The following PCDHGB1 variants were observed in gnomAD, a reference collection of about 807,000 sequenced individuals.
PCDHGB1 encodes the protein protocadherin gamma-B1.
Under a neutral mutation model 56.6 loss-of-function variants are expected in PCDHGB1, and 34 were observed. That is an observed-to-expected ratio of 0.60 (90% CI 0.46 to 0.80). The LOEUF (loss-of-function observed/expected upper bound fraction) is 0.80, where lower values mean the gene tolerates loss of function less well. Ranked by LOEUF, PCDHGB1 falls within the 30% of genes least tolerant of loss-of-function variation. PCDHGB1 has a pLI of 0.00. For missense variants in PCDHGB1, 1,278 were observed against 1,204.6 expected, an observed-to-expected ratio of 1.06 and a Z score of -0.90; for synonymous variants, 561 against 505.9, an observed-to-expected ratio of 1.11 and a Z score of -1.46.
chr5:141,395,070 T>G lies in PCDHGB1; in HGVS notation c.2409+42401T>G. Reference sequence around the variant, plus strand: ...GGAGGTACAGGCTTTCCTGCAGACCTATTCCCAGGAAGTCTCCCTCACCGC... The same window carrying G: ...GGAGGTACAGGCTTTCCTGCAGACCGATTCCCAGGAAGTCTCCCTCACCGC... On this transcript the variant is annotated intron_variant, in intron 1 of 3. Transcript: ENST00000523390. 1 of 1,614,158 alleles carries G rather than the reference T, an allele frequency of 6.2e-7. No homozygotes were observed. The highest frequency in any genetic ancestry group is 1.3e-5 in the African/African-American group (1 of 75,046).
Position 141,477,439 on chromosome 5 carries a change from A to C in PCDHGB1, c.2410-17368A>C. 1 of 1,614,142 alleles carries C rather than the reference A, an allele frequency of 6.2e-7. No homozygotes were observed. Among genetic ancestry groups the C allele is most frequent in the Non-Finnish European group, 8.5e-7 (1 of 1,180,016 alleles). On this transcript the variant is annotated intron_variant, in intron 1 of 3. Transcript: ENST00000523390. This position sits in a 1 kb window ranked among gnomAD's most constrained non-coding sequence, Gnocchi z 4.9. ...GAACCCCTTCCCTCTCAGCCCTTAC[A>C]ATAGTGCGTGTTCAAGTGTCCGACA... is the stretch of plus-strand genomic sequence containing the variant.
chr5:141,503,377 A>G lies in PCDHGB1; in HGVS notation c.2469-2016A>G, dbSNP rs534841057. Among the ~76,000 whole-genome samples, 4 of 152,142 alleles carry G rather than the reference A, an allele frequency of 2.6e-5. No homozygotes were observed. In the East Asian group the frequency reaches 7.8e-4, roughly 30 times the overall value. The stretch of plus-strand genomic sequence containing the variant: ...TTTGGGAAGCGGAGGCAGGTGGATC[A>G]TGAGGTCAGGAGTTCGAAACCAACC... On this transcript the variant is annotated intron_variant, in intron 2 of 3. Coordinates refer to ENST00000523390, the MANE Select transcript of PCDHGB1 (RefSeq NM_018922.3).
intron 1 of PCDHGB1, among the ~76,000 whole-genome samples, chr5:141,481,749 C>T (rs958851030): frequency 6.6e-6 from 1 of 151,976 alleles, no homozygotes; most frequent in Non-Finnish European, 1.5e-5. Context: ...GTCAGGAGTC[C>T]AAGACCAGCC....
intron 1 of PCDHGB1, among the ~76,000 whole-genome samples, chr5:141,488,225 T>G (rs2099673126): frequency 6.6e-6 from 1 of 152,136 alleles, no homozygotes. Flanking sequence ...CTACTGGGGA[T>G]TTGAACTAGA....
chr5:141,401,320 C>A (rs1420214369), intron 1 of PCDHGB1, among the ~76,000 whole-genome samples: 1 of 151,626 alleles, frequency 6.6e-6, no homozygotes, highest in East Asian at 1.9e-4. Flanking sequence ...CCAGCCTGGG[C>A]AACAAGAGCA....
chr5:141,363,505 C>T (rs1762954025), intron 1 of PCDHGB1, among the ~76,000 whole-genome samples: 1 of 152,194 alleles, frequency 6.6e-6, no homozygotes, highest in Non-Finnish European at 1.5e-5. Flanking sequence ...AAACCCCATC[C>T]TCCACAGTTA....
At chr5:141,467,099 C>T (rs2099136810) in intron 1 of PCDHGB1, among the ~76,000 whole-genome samples, 1 of 149,976 alleles carries the variant, frequency 6.7e-6, no homozygotes, top group Admixed American at 6.7e-5. Context: ...GTCACACAGG[C>T]TGGAGTACAA....
chr5:141,364,320 G>C (rs777179865), intron 1 of PCDHGB1: 7 of 1,526,276 alleles, frequency 4.6e-6, no homozygotes, highest in Non-Finnish European at 6.1e-6. Flanking sequence ...AAATTGGGCA[G>C]AGAGAAGGCA....
intron 1 of PCDHGB1, chr5:141,478,112 G>A (rs2099430344): frequency 1.2e-6 from 2 of 1,613,968 alleles, no homozygotes; most frequent in South Asian, 2.2e-5. Flanking sequence ...CACTGTGTCA[G>A]TAACCGAGGA....
Position 141,351,715 on chromosome 5 carries a change from C to T in PCDHGB1, c.1455C>T (p.Tyr485=), listed in dbSNP as rs780866428. The T allele has an allele frequency of 1.2e-6, 2 of 1,613,664 alleles. No homozygotes were observed. The highest frequency in any genetic ancestry group is 1.7e-6 in the Non-Finnish European group (2 of 1,179,910). Residue 485 remains tyrosine (Y), a synonymous_variant, in exon 1 of 4, where the codon TAC becomes TAT. Transcript: ENST00000523390. ...PDLGPNGRVS[Y]SILASDLEPR... ...TGGGACCCAACGGCAGAGTCTCCTA[C>T]TCTATTCTGGCCAGTGACCTGGAGC... is the stretch of plus-strand genomic sequence containing the variant.
At chr5:141,427,492 T>C (rs894605769) in intron 1 of PCDHGB1, 1 of 555,624 alleles carries the variant, frequency 1.8e-6, no homozygotes, top group Non-Finnish European at 3.4e-6. Context: ...TATAAGCTTG[T>C]AACAGATGGG....
At position 141,432,783 on chromosome 5, in the gene PCDHGB1, T is replaced by G; in HGVS notation, c.2410-62024T>G. The G allele has an allele frequency of 6.2e-7, 1 of 1,614,118 alleles. No individual in the cohort carries two copies. On this transcript the variant is annotated intron_variant, in intron 1 of 3. Transcript: ENST00000523390. The surrounding 1 kb of genome is among the most constrained non-coding windows in gnomAD (Gnocchi z 6.0). ...AGCATCCCCCAAGTCCTGGCGGACC[T>G]CGGCAGCCTCGAGTCTCCAGCTAAC...
chr5:141,356,629 C>A (rs539223559), intron 1 of PCDHGB1: 1 of 1,614,188 alleles, frequency 6.2e-7, no homozygotes, highest in African/African-American at 1.3e-5. Context: ...TATGACTGCT[C>A]AAGACCCTGA....
chr5:141,407,599 AAAG>A (rs1328416590), intron 1 of PCDHGB1, among the ~76,000 whole-genome samples: 13 of 152,198 alleles, frequency 8.5e-5, no homozygotes, highest in Admixed American at 2.0e-4. Flanking sequence ...CTCATCTTAA[AAAG>A]AAGCATTGGT....
chr5:141,511,411 A>T lies in PCDHGB1; in HGVS notation c.*238A>T. On this transcript the variant is annotated 3_prime_UTR_variant, in exon 4 of 4. Transcript: ENST00000523390. ...GAACCCCCATCCAATCAACTGCTGTACCCATGGGGGTAGTGGGGTTACTGT... is the reference window on the plus strand; with the variant it reads ...GAACCCCCATCCAATCAACTGCTGTTCCCATGGGGGTAGTGGGGTTACTGT... 1.1e-6 allele frequency: 1 copy of T among 901,334 alleles called. No individual in the cohort carries two copies. Among genetic ancestry groups the T allele is most frequent in the Non-Finnish European group, 1.6e-6 (1 of 617,750 alleles). 55.8% of individuals were successfully genotyped at this position (901,334 alleles called of 1,614,324 possible).
chr5:141,489,013 C>T lies in PCDHGB1; in HGVS notation c.2410-5794C>T, dbSNP rs533320646. ...AGGTGGGAGATCTGCTCTTCCAGCC[C>T]GCCTCTCCTCCTCCAGCTCCCCAGC... On this transcript the variant is annotated intron_variant, in intron 1 of 3. Coordinates refer to ENST00000523390, the MANE Select transcript of PCDHGB1 (RefSeq NM_018922.3). The surrounding 1 kb of genome is among the most constrained non-coding windows in gnomAD (Gnocchi z 4.5). 4.6e-5 allele frequency: 20 copies of T among 438,612 alleles called. No homozygotes were observed. Among genetic ancestry groups the T allele is most frequent in the East Asian group, 2.7e-4 (8 of 29,802 alleles). The allele number at this position is 438,612 out of a possible 1,614,324, so 27.2% of individuals were successfully genotyped here.
In PCDHGB1 at chr5:141,413,327, A is replaced by T. The variant is rs200027912; in HGVS notation, c.2409+60658A>T. ...TTAGAGAAAGGCTCTTTCGTGGGCA[A>T]CATCTCCAAGGACTTGGGTCTGGCG... On this transcript the variant is annotated intron_variant, in intron 1 of 3. Transcript: ENST00000523390. The T allele has an allele frequency of 2.6e-4, 421 of 1,613,984 alleles. 1 individual carries two copies. The highest frequency in any genetic ancestry group is 1.1e-3 in the South Asian group (96 of 91,090).
At chr5:141,380,267 C>A (rs1021604042) in intron 1 of PCDHGB1, among the ~76,000 whole-genome samples, 2 of 152,042 alleles carry the variant, frequency 1.3e-5, no homozygotes, top group Non-Finnish European at 2.9e-5. Flanking sequence ...GGAGTAAAAT[C>A]TCAGAGGAGA....
rs1259490084 is a variant in PCDHGB1, at chr5:141,360,812, C to A, written c.2409+8143C>A. The stretch of plus-strand genomic sequence containing the variant: ...GGAGACCCACCTCAAAGTGGCACGA[C>A]CCAAATCCGAATCAAAGTCACGGAT... On this transcript the variant is annotated intron_variant, in intron 1 of 3. Transcript: ENST00000523390. 1.2e-6 allele frequency: 2 copies of A among 1,613,952 alleles called. No individual in the cohort carries two copies. The highest frequency in any genetic ancestry group is 1.1e-5 in the South Asian group (1 of 91,082).
Sources: gnomAD v4.1 joint callset for allele counts (sites outside exome capture counted in the v4.1 genomes callset) on GRCh38, gnomAD v4.1.1 for gene constraint, Gnocchi (gnomAD v3.1) non-coding constraint, MANE v1.5 for transcripts, NCBI Gene and HGNC (gene_info 2026-07-23, HGNC 2026-07-21) for gene names.